Variants in GZMM observed in about 807,000 individuals in gnomAD.
GZMM encodes granzyme M, also known as HU-Met-1.
Under a neutral mutation model 19.2 loss-of-function variants are expected in GZMM, and 23 were observed. The ratio of observed to expected loss-of-function variants is 1.20; its 90% CI spans 0.86 to 1.69. The LOEUF (loss-of-function observed/expected upper bound fraction) is 1.69, where lower values mean the gene tolerates loss of function less well. Ranked by LOEUF, GZMM falls within the 40% of genes most tolerant of loss-of-function variation. The pLI is 0.00. For synonymous variants in GZMM, 178 were observed against 160.2 expected (o/e 1.11, Z -0.84); for missense variants, 373 against 352.2 (o/e 1.06, Z -0.47).
Position 549,895 on chromosome 19 carries a change from A to G in GZMM, c.*104A>G. The stretch of plus-strand genomic sequence containing the variant: ...CGGGTGGGAGGGACAGGGAGGGACC[A>G]ATAAATCATAATGAAGAAACGCTCA... On this transcript the variant is annotated 3_prime_UTR_variant, in exon 5 of 5. Coordinates refer to ENST00000264553, the MANE Select transcript of GZMM (RefSeq NM_005317.4). 1 of 812,212 alleles carries G rather than the reference A, an allele frequency of 1.2e-6. No homozygotes were observed. Among genetic ancestry groups the G allele is most frequent in the Non-Finnish European group, 2.0e-6 (1 of 512,126 alleles). 50.3% of individuals were successfully genotyped at this position (812,212 alleles called of 1,614,324 possible). A position where few individuals can be genotyped will look rare whatever the true frequency, so the allele number is the denominator to read the frequency against.
rs1256738283 is a variant in GZMM, at chr19:549,744, G to A, written c.727G>A (p.Ala243Thr). Residue 243 changes from alanine to threonine, a missense_variant, in exon 5 of 5, where the codon GCG becomes ACG. Physicochemically the swap from Ala to Thr is moderately conservative, Grantham distance 58 (BLOSUM62 0). Coordinates refer to ENST00000264553, the MANE Select transcript of GZMM (RefSeq NM_005317.4). Reference protein sequence around the residue: ...IFKPPVATAVAPYVSWIRKVT... With the variant: ...IFKPPVATAVTPYVSWIRKVT... The stretch of plus-strand genomic sequence containing the variant: ...CAAGCCTCCCGTGGCCACCGCTGTG[G>A]CGCCTTACGTGTCCTGGATCAGGAA... 1.4e-5 allele frequency: 22 copies of A among 1,613,586 alleles called. No individual in the cohort carries two copies. The highest frequency in any genetic ancestry group is 1.7e-5 in the Non-Finnish European group (20 of 1,179,952).
chr19:545,636 C>T (rs113158214), intron 1 of GZMM, among the ~76,000 whole-genome samples: 9,552 of 150,736 alleles, frequency 0.063, 544 homozygotes, highest in African/African-American at 0.16. Context: ...CGTGAGCCAC[C>T]GCGCCCGGCC....
At chr19:549,603 C>A (rs1227773606) in intron 4 of GZMM, 27 bp from the exon 5 acceptor site, 1 of 1,601,684 alleles carries the variant, frequency 6.2e-7, no homozygotes, top group Non-Finnish European at 8.5e-7. Flanking sequence ...GGTGCAGAGG[C>A]TGAGCTGCGG....
At chr19:547,070 G>T (rs1980312306) in intron 1 of GZMM, among the ~76,000 whole-genome samples, 2 of 145,906 alleles carry the variant, frequency 1.4e-5, no homozygotes, top group Middle Eastern at 3.5e-3. Context: ...AGGTGGCCTG[G>T]GGGGAACATG....
At chr19:548,757 C>CCGCTGCCGACCCTCCCCGCG in intron 3 of GZMM, 80 bp downstream of exon 3, 1 of 1,180,066 alleles carries the variant, frequency 8.5e-7, no homozygotes, top group Non-Finnish European at 1.2e-6. Context: ...CGCCCTCCCC[C>CCGCTGCCGACCCTCCCCGCG]CGCTGCCGAC....
At position 548,589 on chromosome 19, in the gene GZMM, C is replaced by G. The variant is rs778855615; in HGVS notation, c.260C>G (p.Pro87Arg). 1 of 1,613,528 alleles carries G rather than the reference C, an allele frequency of 6.2e-7. No individual in the cohort carries two copies. Among genetic ancestry groups the G allele is most frequent in the South Asian group, 1.1e-5 (1 of 91,082 alleles). Residue 87 changes from proline (P) to arginine (R), a missense_variant, in exon 3 of 5, where the codon CCC (proline) becomes CGC (arginine). By Grantham distance (103) the Pro-to-Arg change is moderately radical. Coordinates refer to ENST00000264553, the MANE Select transcript of GZMM (RefSeq NM_005317.4). The stretch of plus-strand genomic sequence containing the variant: ...CTGGGGCTCCACACCCTGGACAGCC[C>G]CGGTCTCACCTTCCACATCAAGGCA... ...LVLGLHTLDS[P>R]GLTFHIKAAI...
At chr19:549,242 G>C in intron 4 of GZMM, 57 bp downstream of exon 4, 2 of 1,491,120 alleles carry the variant, frequency 1.3e-6, no homozygotes, top group Admixed American at 2.1e-5. Context: ...GCCGGGGCCA[G>C]GGCAGCCGCC....
rs1337917363 is a variant in GZMM, at chr19:549,881, G to A, written c.*90G>A. The A allele has an allele frequency of 4.4e-6, 2 of 450,596 alleles. No homozygotes were observed. The highest frequency in any genetic ancestry group is 5.2e-5 in the Admixed American group (2 of 38,740). The allele number at this position is 450,596 out of a possible 1,614,324, so 27.9% of individuals were successfully genotyped here. ...GGGGTGGGTGAGGACGGGTGGGAGGGACAGGGAGGGACCAATAAATCATAA... is the reference window on the plus strand; with the variant it reads ...GGGGTGGGTGAGGACGGGTGGGAGGAACAGGGAGGGACCAATAAATCATAA... On this transcript the variant is annotated 3_prime_UTR_variant, in exon 5 of 5. Coordinates refer to ENST00000264553, the MANE Select transcript of GZMM (RefSeq NM_005317.4).
chr19:548,632 C>T lies in GZMM; in HGVS notation c.303C>T (p.Arg101=). ...TCAAGGCAGCCATCCAGCACCCTCG[C>T]TACAAGCCCGTCCCTGCCCTGGAGA... The part of the protein sequence containing the change: ...FHIKAAIQHP[R]YKPVPALEND... Residue 101 remains arginine, a synonymous_variant, in exon 3 of 5, where the codon CGC becomes CGT. Coordinates refer to ENST00000264553, the MANE Select transcript of GZMM (RefSeq NM_005317.4). 6.2e-7 allele frequency: 1 copy of T among 1,613,666 alleles called. No homozygotes were observed. The highest frequency in any genetic ancestry group is 1.1e-5 in the South Asian group (1 of 91,088).
rs754093427 is a variant in GZMM at position 548,582 on chromosome 19, G to C, written c.253G>C (p.Asp85His). ...GCTGGTGCTGGGGCTCCACACCCTG[G>C]ACAGCCCCGGTCTCACCTTCCACAT... The part of the protein sequence containing the change: ...LRLVLGLHTL[D>H]SPGLTFHIKA... Residue 85 changes from aspartate (D) to histidine (H), a missense_variant, in exon 3 of 5, where the codon GAC (aspartate) becomes CAC (histidine). Transcript: ENST00000264553. 6.2e-7 allele frequency: 1 copy of C among 1,613,224 alleles called. No homozygotes were observed. Among genetic ancestry groups the C allele is most frequent in the Non-Finnish European group, 8.5e-7 (1 of 1,179,494 alleles).
Position 548,949 on chromosome 19 carries a change from A to G in GZMM, c.376A>G (p.Thr126Ala). 1 of 1,586,814 alleles carries G rather than the reference A, an allele frequency of 6.3e-7. No individual in the cohort carries two copies. The highest frequency in any genetic ancestry group is 1.1e-5 in the South Asian group (1 of 88,990). Residue 126 changes from threonine to alanine, a missense_variant, in exon 4 of 5, where the codon ACC (threonine) becomes GCC (alanine). Physicochemically the swap from Thr to Ala is moderately conservative, Grantham distance 58. Transcript: ENST00000264553. The part of the protein sequence containing the change: ...QLDGKVKPSR[T>A]IRPLALPSKR... ...GGACGGGAAAGTGAAGCCCAGCCGG[A>G]CCATCCGGCCGTTGGCCCTGCCCAG... is the stretch of plus-strand genomic sequence containing the variant.
chr19:548,558 C>T lies in GZMM; in HGVS notation c.229C>T (p.Leu77=). ...TGTCCCCAGGATGGCCCAGCTGAGG[C>T]TGGTGCTGGGGCTCCACACCCTGGA... ...CLAQRMAQLR[L]VLGLHTLDSP... is the part of the protein sequence containing the mutation. Residue 77 remains leucine, a synonymous_variant, in exon 3 of 5, where the codon CTG becomes TTG. Coordinates refer to ENST00000264553, the MANE Select transcript of GZMM (RefSeq NM_005317.4). 3 of 1,613,354 alleles carry T rather than the reference C, an allele frequency of 1.9e-6. No homozygotes were observed. The highest frequency in any genetic ancestry group is 1.7e-6 in the Non-Finnish European group (2 of 1,179,682).
intron 1 of GZMM, among the ~76,000 whole-genome samples, chr19:546,845 A>T (rs1025998019): frequency 8.9e-5 from 6 of 67,206 alleles, no homozygotes; most frequent in African/African-American, 2.6e-4. Context: ...CTCAAAAAAA[A>T]AGAAAAAAAA....
In GZMM at chr19:548,640, C is replaced by A. The variant is rs1241671546; in HGVS notation, c.311C>A (p.Pro104His). 1 of 1,613,624 alleles carries A rather than the reference C, an allele frequency of 6.2e-7. No homozygotes were observed. Among genetic ancestry groups the A allele is most frequent in the South Asian group, 1.1e-5 (1 of 91,080 alleles). Residue 104 changes from proline (P) to histidine (H), a missense_variant, in exon 3 of 5, where the codon CCC (proline) becomes CAC (histidine). Transcript: ENST00000264553. ...KAAIQHPRYKPVPALENDLAL... is the reference protein window; with the variant it reads ...KAAIQHPRYKHVPALENDLAL... ...GCCATCCAGCACCCTCGCTACAAGC[C>A]CGTCCCTGCCCTGGAGAACGACCTC...
intron 1 of GZMM, among the ~76,000 whole-genome samples, chr19:546,025 C>A (rs1310905307): frequency 6.6e-6 from 1 of 151,514 alleles, no homozygotes; most frequent in Non-Finnish European, 1.5e-5. Flanking sequence ...GGCTGTCTGC[C>A]CACCTTGACC....
Position 549,677 on chromosome 19 carries a change from C to T in GZMM, c.660C>T (p.Ala220=), listed in dbSNP as rs761463798. 20 of 1,613,612 alleles carry T rather than the reference C, an allele frequency of 1.2e-5. No homozygotes were observed. The highest frequency in any genetic ancestry group is 6.7e-5 in the East Asian group (3 of 44,890). The part of the protein sequence containing the change: ...PLVCGKGRVL[A]RVLSFSSRVC... ...TGTGTGGCAAAGGCCGGGTGTTGGC[C>T]AGAGTCCTGTCCTTCAGCTCCAGGG... The change falls in exon 5 of 5, where the codon GCC becomes GCT. Residue 220 remains alanine (A), a synonymous_variant. Transcript: ENST00000264553.
chr19:545,712 C>T (rs541696946), intron 1 of GZMM, among the ~76,000 whole-genome samples: 7 of 150,388 alleles, frequency 4.7e-5, no homozygotes, highest in Admixed American at 3.3e-4. Flanking sequence ...GGCACGATCT[C>T]GGCTCACCAC....
chr19:548,760 C>A, intron 3 of GZMM, 83 bp downstream of exon 3: 2 of 1,121,208 alleles, frequency 1.8e-6, no homozygotes, highest in East Asian at 2.8e-5. Context: ...CCTCCCCCCG[C>A]TGCCGACCCT....
Position 548,989 on chromosome 19 carries a change from T to C in GZMM, c.416T>C (p.Val139Ala), listed in dbSNP as rs1476682522. The C allele has an allele frequency of 1.2e-6, 2 of 1,603,312 alleles. No homozygotes were observed. Among genetic ancestry groups the C allele is most frequent in the Non-Finnish European group, 1.7e-6 (2 of 1,175,934 alleles). The stretch of plus-strand genomic sequence containing the variant: ...GCCCTGCCCAGTAAGCGCCAGGTGG[T>C]GGCAGCAGGGACTCGGTGCAGCATG... ...PLALPSKRQV[V>A]AAGTRCSMAG... Residue 139 changes from valine (V) to alanine (A), a missense_variant, in exon 4 of 5, where the codon GTG becomes GCG. By Grantham distance (64) the Val-to-Ala change is moderately conservative. Coordinates refer to ENST00000264553, the MANE Select transcript of GZMM (RefSeq NM_005317.4).
Sources: allele counts gnomAD v4.1 joint callset (sites outside exome capture counted in the v4.1 genomes callset), GRCh38; gene constraint gnomAD v4.1.1; transcripts MANE v1.5; gene names NCBI Gene and HGNC (gene_info 2026-07-23, HGNC 2026-07-21).